The following TRIM14 variants were observed in gnomAD, a reference collection of about 807,000 sequenced individuals.
TRIM14 encodes the protein tripartite motif containing 14.
A neutral mutation model predicts 44.5 loss-of-function variants in TRIM14; 28 were observed. That is an observed-to-expected ratio of 0.63 (90% confidence interval 0.47 to 0.86). The LOEUF (loss-of-function observed/expected upper bound fraction) is 0.86, where lower values mean the gene tolerates loss of function less well. Among genes scored for constraint, TRIM14 ranks in the 40% least tolerant of loss-of-function variants. The pLI, the probability that TRIM14 is intolerant of heterozygous loss-of-function variation, is 0.00. For synonymous variants in TRIM14, 299 were observed against 269.2 expected (o/e 1.11, Z -1.08); for missense variants, 607 against 611.1 (o/e 0.99, Z 0.07).
At chr9:98,053,801 C>CT in the TRIM14 span, among the ~76,000 whole-genome samples, 1 of 48,022 alleles carries the variant, frequency 2.1e-5, no homozygotes, top group Non-Finnish European at 4.0e-5. Context: ...AAGCCCACTA[C>CT]AAAATAAATA....
rs371035358 is a variant in TRIM14, at chr9:98,072,985, T to C, written c.*29-3298A>G. 3.3e-5 allele frequency among the ~76,000 whole-genome samples: 5 copies of C among 152,328 alleles called. No individual in the cohort carries two copies. In the East Asian group the frequency reaches 7.7e-4, roughly 24 times the overall value. On this transcript the variant is annotated intron_variant, in intron 6 of 6. Transcript: ENST00000375098. ...AACCGTCAGGGCTTCTGGTTGAAAGTTGCACCAAGGCTGTGGAACTCAGGT... is the reference window on the plus strand; with the variant it reads ...AACCGTCAGGGCTTCTGGTTGAAAGCTGCACCAAGGCTGTGGAACTCAGGT...
intron 6 of TRIM14, among the ~76,000 whole-genome samples, chr9:98,071,961 C>T (rs903211815): frequency 2.0e-5 from 3 of 152,202 alleles, no homozygotes; most frequent in Admixed American, 1.3e-4. Flanking sequence ...GTTGAGAACC[C>T]GGAGCAGTTG....
intron 1 of TRIM14, among the ~76,000 whole-genome samples, chr9:98,110,818 G>A (rs1826818732): frequency 7.0e-6 from 1 of 143,766 alleles, no homozygotes; most frequent in African/African-American, 2.9e-5. Context: ...ACCAGCCTGG[G>A]CAACATAGTG....
intron 1 of TRIM14, among the ~76,000 whole-genome samples, chr9:98,118,089 G>A (rs2118733147): frequency 6.6e-6 from 1 of 152,176 alleles, no homozygotes; most frequent in Admixed American, 6.5e-5. Context: ...GCTCACGATG[G>A]GGCTGAATTC....
At chr9:98,065,917 G>A (rs545721961), downstream of TRIM14, among the ~76,000 whole-genome samples, 14 of 152,170 alleles carry the variant, frequency 9.2e-5, no homozygotes, top group Non-Finnish European at 1.8e-4. Flanking sequence ...CCCCCACCAT[G>A]ATTCTGAGAC....
downstream of TRIM14, chr9:98,083,176 T>G (rs1176245806): frequency 1.1e-6 from 1 of 879,422 alleles, no homozygotes; most frequent in East Asian, 2.6e-5. Flanking sequence ...CTCCACCTGC[T>G]CCTTAGACAG....
the TRIM14 span, among the ~76,000 whole-genome samples, chr9:98,048,368 A>G: frequency 6.6e-6 from 1 of 152,154 alleles, no homozygotes; most frequent in Non-Finnish European, 1.5e-5. Flanking sequence ...TCCACTCTAA[A>G]GCCAGTAATC....
chr9:98,051,396 C>A, the TRIM14 span, among the ~76,000 whole-genome samples: 2 of 152,172 alleles, frequency 1.3e-5, no homozygotes, highest in African/African-American at 2.4e-5. Context: ...TATCCATAGG[C>A]CACAAGTGCC....
chr9:98,110,192 C>A lies in TRIM14; in HGVS notation c.208-208G>T, dbSNP rs1457596393. 7.2e-6 allele frequency: 4 copies of A among 556,756 alleles called. No homozygotes were observed. The Admixed American group carries it at 1.3e-4, about 18-fold the overall frequency. 34.5% of individuals were successfully genotyped at this position (556,756 alleles called of 1,614,324 possible). ...TCCTCGGAGGTCCACATCAGGTATG[C>A]CTCTAATCTTGATTTGCACCCCTTC... On this transcript the variant is annotated intron_variant, in intron 1 of 5. Transcript: ENST00000341469.
chr9:98,067,133 T>G (rs1371184990), downstream of TRIM14, among the ~76,000 whole-genome samples: 1 of 152,236 alleles, frequency 6.6e-6, no homozygotes, highest in East Asian at 1.9e-4. Flanking sequence ...ATGGCTATAC[T>G]ACATTTTATT....
chr9:98,105,085 G>A (rs1171832049), intron 2 of TRIM14, among the ~76,000 whole-genome samples: 2 of 152,182 alleles, frequency 1.3e-5, no homozygotes, highest in African/African-American at 4.8e-5. Context: ...GCATGGCCTG[G>A]CAGGGTCCCC....
chr9:98,118,027 T>C (rs1827115017), intron 1 of TRIM14, among the ~76,000 whole-genome samples: 1 of 151,982 alleles, frequency 6.6e-6, no homozygotes, highest in Non-Finnish European at 1.5e-5. Flanking sequence ...CACCTTGGAG[T>C]TCCAAGGTTG....
chr9:98,050,186 CTTG>C, the TRIM14 span, among the ~76,000 whole-genome samples: 3 of 152,358 alleles, frequency 2.0e-5, no homozygotes, highest in Admixed American at 6.5e-5. Context: ...TACATCTCCA[CTTG>C]TTGTAGTTCA....
At chr9:98,062,091 G>A in the TRIM14 span, among the ~76,000 whole-genome samples, 11 of 151,912 alleles carry the variant, frequency 7.2e-5, no homozygotes, top group African/African-American at 9.6e-5. Flanking sequence ...GCGTGGTGGC[G>A]TACTCCTGTA....
At chr9:98,036,515 A>AAAAAAG in the TRIM14 span, among the ~76,000 whole-genome samples, 1 of 149,986 alleles carries the variant, frequency 6.7e-6, no homozygotes, top group African/African-American at 2.5e-5. Flanking sequence ...AAAAAAAAAA[A>AAAAAAG]AAAATGCTAG....
At position 98,095,996 on chromosome 9, in the gene TRIM14, T is replaced by C. The variant is rs1207292175; in HGVS notation, c.538-967A>G. On this transcript the variant is annotated intron_variant, in intron 3 of 5. Transcript: ENST00000341469. This position sits in a 1 kb window ranked among gnomAD's most constrained non-coding sequence, Gnocchi z 4.1. ...TTAAAACAGTTCCAGTGGATTCTCA[T>C]GTTTGCAGGTAAGAACCATGGCTGC... 1.3e-5 allele frequency among the ~76,000 whole-genome samples: 2 copies of C among 152,208 alleles called. No individual in the cohort carries two copies. Among genetic ancestry groups the C allele is most frequent in the Non-Finnish European group, 2.9e-5 (2 of 68,032 alleles).
downstream of TRIM14, chr9:98,080,872 C>T (rs750536417): frequency 6.2e-7 from 1 of 1,613,716 alleles, no homozygotes; most frequent in Non-Finnish European, 8.5e-7. Flanking sequence ...ATGAAACAGG[C>T]ATAGCGATAT....
the TRIM14 span, among the ~76,000 whole-genome samples, chr9:98,041,858 A>G: frequency 2.7e-5 from 4 of 150,400 alleles, no homozygotes; most frequent in Admixed American, 2.0e-4. Context: ...AATTTTTTGT[A>G]TTTTTAGTAG....
At chr9:98,118,097 T>C (rs765533897) in intron 1 of TRIM14, among the ~76,000 whole-genome samples, 4 of 152,086 alleles carry the variant, frequency 2.6e-5, no homozygotes, top group Non-Finnish European at 5.9e-5. Context: ...TGGGGCTGAA[T>C]TCATCACAGA....
Sources: gnomAD v4.1 joint callset for allele counts (sites outside exome capture counted in the v4.1 genomes callset) on GRCh38, gnomAD v4.1.1 for gene constraint, Gnocchi (gnomAD v3.1) non-coding constraint, MANE v1.5 for transcripts, NCBI Gene and HGNC (gene_info 2026-07-23, HGNC 2026-07-21) for gene names.